The following ZNF740 variants were observed in gnomAD, a reference collection of about 807,000 sequenced individuals.
ZNF740 encodes oriLyt TD-element-binding protein 7.
A neutral mutation model predicts 24.8 loss-of-function variants in ZNF740; 14 were observed. The ratio of observed to expected loss-of-function variants is 0.56; its 90% CI spans 0.37 to 0.88. The LOEUF (loss-of-function observed/expected upper bound fraction) is 0.88, where lower values mean the gene tolerates loss of function less well. Among genes scored for constraint, ZNF740 ranks in the 40% least tolerant of loss-of-function variants. ZNF740 has a pLI of 0.00. For missense variants in ZNF740, 201 were observed against 247.9 expected (o/e 0.81, Z 1.27); for synonymous variants, 69 against 84.0 (o/e 0.82, Z 0.98).
In ZNF740 at chr12:53,192,159, A is replaced by G; in HGVS notation, c.*4569A>G. ...CCCAGGGAGGTCCAAGGTTATCCTC[A>G]CCGCCCAGGGCCTTAGCCTCGTCCA... On this transcript the variant is annotated 3_prime_UTR_variant, in exon 7 of 7. Transcript: ENST00000416904. The G allele has an allele frequency of 8.2e-7, 1 of 1,226,154 alleles. No homozygotes were observed. The highest frequency in any genetic ancestry group is 1.5e-5 in the African/African-American group (1 of 66,300). 76.0% of individuals were successfully genotyped at this position (1,226,154 alleles called of 1,614,324 possible).
rs985562189 is a variant in ZNF740 at position 53,191,223 on chromosome 12, C to T, written c.*3633C>T. On this transcript the variant is annotated 3_prime_UTR_variant, in exon 7 of 7. Transcript: ENST00000416904. ...TCGCGCTTGGGCACCTCTCCCTGCCCTCAGGTGGCAAGAGGAGGATGGACA... is the reference window on the plus strand; with the variant it reads ...TCGCGCTTGGGCACCTCTCCCTGCCTTCAGGTGGCAAGAGGAGGATGGACA... The T allele has an allele frequency of 3.0e-5, 10 of 330,114 alleles. No homozygotes were observed. Among genetic ancestry groups the T allele is most frequent in the African/African-American group, 1.9e-4 (9 of 47,354 alleles). 20.4% of individuals were successfully genotyped at this position (330,114 alleles called of 1,614,324 possible).
At position 53,194,240 on chromosome 12, in the gene ZNF740, A is replaced by C. The variant is rs767095135; in HGVS notation, c.*6650A>C. ...CGTGGTTGCACTGTCCTCGATCCTC[A>C]GCCTTACCCTCCCTCTTCTCAGGAC... is the stretch of plus-strand genomic sequence containing the variant. On this transcript the variant is annotated 3_prime_UTR_variant, in exon 7 of 7. Coordinates refer to ENST00000416904, the MANE Select transcript of ZNF740 (RefSeq NM_001004304.4). 5.6e-6 allele frequency: 9 copies of C among 1,613,750 alleles called. No individual in the cohort carries two copies. The highest frequency in any genetic ancestry group is 7.6e-6 in the Non-Finnish European group (9 of 1,179,976).
chr12:53,185,813 G>A, intron 4 of ZNF740, 141 bp from the exon 5 acceptor site: 3 of 1,157,974 alleles, frequency 2.6e-6, no homozygotes, highest in Non-Finnish European at 3.6e-6. Context: ...TTACCTCCAT[G>A]GAGTACAGGA....
chr12:53,181,463 A>G (rs538038928), intron 1 of ZNF740: 2 of 985,390 alleles, frequency 2.0e-6, no homozygotes, highest in Non-Finnish European at 2.4e-6. Context: ...GAGTTCCTCC[A>G]TAGGAGGCCC....
At chr12:53,183,756 G>A (rs1451204058) in intron 2 of ZNF740, among the ~76,000 whole-genome samples, 1 of 152,148 alleles carries the variant, frequency 6.6e-6, no homozygotes, top group Non-Finnish European at 1.5e-5. Flanking sequence ...TCTAAAGGGA[G>A]AAATAGCCTG....
At chr12:53,184,114 GGTGTGTGTGTGTGTGTGT>G (rs754768891) in intron 2 of ZNF740, among the ~76,000 whole-genome samples, 1 of 123,508 alleles carries the variant, frequency 8.1e-6, no homozygotes, top group Non-Finnish European at 1.6e-5. Context: ...GAAGCTAAGG[GGTGTGTGTGTGTGTGTGT>G]GTGTGTGTGT....
At chr12:53,181,341 C>T in intron 1 of ZNF740, 2 of 985,476 alleles carry the variant, frequency 2.0e-6, no homozygotes, top group Non-Finnish European at 1.2e-6. Context: ...CTTGCCGCCT[C>T]TGTAAAGTGC....
Position 53,195,042 on chromosome 12 carries a change from T to G in ZNF740, c.*7452T>G, listed in dbSNP as rs956036967. ...ATCTGTAAAATAGGGATGGTAACAG[T>G]TATGAAGCAAGGCTTTTGGCAGGGT... On this transcript the variant is annotated 3_prime_UTR_variant, in exon 7 of 7. Transcript: ENST00000416904. The G allele has an allele frequency of 1.0e-4, 30 of 292,626 alleles. No individual in the cohort carries two copies. In the Admixed American group the frequency reaches 1.3e-3, roughly 13 times the overall value. The allele number at this position is 292,626 out of a possible 1,614,324, so 18.1% of individuals were successfully genotyped here.
In ZNF740 at chr12:53,185,056, C is replaced by G; in HGVS notation, c.159+16C>G. On this transcript the variant is annotated intron_variant, in intron 3 of 6. Coordinates refer to ENST00000416904, the MANE Select transcript of ZNF740 (RefSeq NM_001004304.4). ...CTCGAGTCAGGTACAGCGCTTGAGT[C>G]CATTGTGGCACCTGGGGATCGGGTG... 6.2e-7 allele frequency: 1 copy of G among 1,612,526 alleles called. No individual in the cohort carries two copies. The highest frequency in any genetic ancestry group is 8.5e-7 in the Non-Finnish European group (1 of 1,178,936).
Position 53,192,676 on chromosome 12 carries a change from G to C in ZNF740, c.*5086G>C. 6.2e-7 allele frequency: 1 copy of C among 1,610,076 alleles called. No individual in the cohort carries two copies. Among genetic ancestry groups the C allele is most frequent in the African/African-American group, 1.3e-5 (1 of 74,996 alleles). On this transcript the variant is annotated 3_prime_UTR_variant, in exon 7 of 7. Coordinates refer to ENST00000416904, the MANE Select transcript of ZNF740 (RefSeq NM_001004304.4). ...CTGTGCCCCTGCTCCCAAGATGCAA[G>C]ACCTGAGGCCTCACCGGTGTCTCTC... is the stretch of plus-strand genomic sequence containing the variant.
Position 53,191,393 on chromosome 12 carries a change from G to C in ZNF740, c.*3803G>C. 3.1e-6 allele frequency: 2 copies of C among 650,146 alleles called. No individual in the cohort carries two copies. Among genetic ancestry groups the C allele is most frequent in the Non-Finnish European group, 5.6e-6 (2 of 359,620 alleles). 40.3% of individuals were successfully genotyped at this position (650,146 alleles called of 1,614,324 possible). ...GGATGCAAGGTTGCAGGCATGGGAA[G>C]CAGCCCTCTTGGGTGTCACTCTGAA... On this transcript the variant is annotated 3_prime_UTR_variant, in exon 7 of 7. Transcript: ENST00000416904.
intron 6 of ZNF740, chr12:53,186,817 T>G: frequency 4.6e-6 from 1 of 218,434 alleles, no homozygotes; most frequent in Non-Finnish European, 9.3e-6. Flanking sequence ...TGTATTGTCC[T>G]TATTTCACGT....
At chr12:53,184,150 T>TGTGTGTGTGTGTGCGTGCGCGCGC (rs59250662) in intron 2 of ZNF740, among the ~76,000 whole-genome samples, 1 of 104,346 alleles carries the variant, frequency 9.6e-6, no homozygotes, top group African/African-American at 3.7e-5. Flanking sequence ...TGTGTGTGTG[T>TGTGTGTGTGTGTGCGTGCGCGCGC]GCGCGCGCGC....
intron 2 of ZNF740, among the ~76,000 whole-genome samples, chr12:53,182,723 T>TACGG (rs1941704084): frequency 6.6e-6 from 1 of 152,184 alleles, no homozygotes; most frequent in South Asian, 2.1e-4. Context: ...GTTTGATAGT[T>TACGG]ACGGAGTAAG....
At chr12:53,185,164 G>A in intron 3 of ZNF740, 124 bp downstream of exon 3, 1 of 1,441,748 alleles carries the variant, frequency 6.9e-7, no homozygotes, top group South Asian at 1.3e-5. Context: ...GATCCAACTG[G>A]GGAATGGATG....
In ZNF740 at chr12:53,186,065, C is replaced by T; in HGVS notation, c.361C>T (p.Leu121Phe). 6.2e-7 allele frequency: 1 copy of T among 1,613,034 alleles called. No homozygotes were observed. The highest frequency in any genetic ancestry group is 8.5e-7 in the Non-Finnish European group (1 of 1,179,044). ...CAGTTACCACCTAAAGAGGCACATC[C>T]TTATTCACACTGGTAAGTCTCTTGT... ...RSSYHLKRHILIHTGEKPFEC... is the reference protein window; with the variant it reads ...RSSYHLKRHIFIHTGEKPFEC... Residue 121 changes from leucine (L) to phenylalanine (F), a missense_variant, in exon 5 of 7, where the codon CTT becomes TTT. Physicochemically the swap from Leu to Phe is conservative, Grantham distance 22. This residue lies in a region of ZNF740 where 60 missense variants were observed against 107.8 expected (regional missense o/e 0.56). Transcript: ENST00000416904.
chr12:53,184,114 G>GGGGTGTGTGTGT (rs1555175868), intron 2 of ZNF740, among the ~76,000 whole-genome samples: 4 of 123,506 alleles, frequency 3.2e-5, no homozygotes, highest in Admixed American at 7.8e-5. Flanking sequence ...GAAGCTAAGG[G>GGGGTGTGTGTGT]GTGTGTGTGT....
rs2120391373 is a variant in ZNF740, at chr12:53,192,044, T to C, written c.*4454T>C. On this transcript the variant is annotated 3_prime_UTR_variant, in exon 7 of 7. Transcript: ENST00000416904. ...TCTGTGAACAAGAAACCAGACACAC[T>C]TGTGGGAGCTGGAGCATAGGGACAG... The C allele has an allele frequency of 1.4e-5, 22 of 1,606,250 alleles. No individual in the cohort carries two copies. The highest frequency in any genetic ancestry group is 2.2e-5 in the East Asian group (1 of 44,698).
rs1014203322 is a variant in ZNF740 at position 53,191,243 on chromosome 12, T to A, written c.*3653T>A. On this transcript the variant is annotated 3_prime_UTR_variant, in exon 7 of 7. Transcript: ENST00000416904. Reference sequence around the variant, plus strand: ...CTGCCCTCAGGTGGCAAGAGGAGGATGGACAAGAGCTTTCCCGAGGCCCAG... The same window carrying A: ...CTGCCCTCAGGTGGCAAGAGGAGGAAGGACAAGAGCTTTCCCGAGGCCCAG... 2.8e-6 allele frequency: 1 copy of A among 351,152 alleles called. No individual in the cohort carries two copies. Among genetic ancestry groups the A allele is most frequent in the Non-Finnish European group, 5.5e-6 (1 of 182,654 alleles). 21.8% of individuals were successfully genotyped at this position (351,152 alleles called of 1,614,324 possible).
Sources: allele counts gnomAD v4.1 joint callset (sites outside exome capture counted in the v4.1 genomes callset), GRCh38; gene constraint gnomAD v4.1.1; regional missense constraint gnomAD v4.1.1; transcripts MANE v1.5; gene names NCBI Gene and HGNC (gene_info 2026-07-23, HGNC 2026-07-21).